The following NPHS1 variants were observed in gnomAD, a reference collection of about 807,000 sequenced individuals.
NPHS1 encodes the protein NPHS1 adhesion molecule, nephrin, also known as nephrin.
NPHS1 carries 107 observed loss-of-function variants against 139.7 expected under a neutral mutation model. The ratio of observed to expected loss-of-function variants is 0.77; its 90% CI spans 0.66 to 0.90. NPHS1 has a LOEUF of 0.90. NPHS1 is among the 40% of genes least tolerant of loss of function. The pLI is 0.00. For missense variants in NPHS1, 1,580 were observed against 1,654.2 expected, an observed-to-expected ratio of 0.96 and a Z score of 0.78; for synonymous variants, 707 against 706.6, an observed-to-expected ratio of 1.00 and a Z score of -0.01.
At position 35,849,621 on chromosome 19, in the gene NPHS1, A is replaced by G. The variant is rs1347730847; in HGVS notation, c.641T>C (p.Leu214Ser). Residue 214 changes from leucine (L) to serine (S), a missense_variant, in exon 6 of 29, where the codon TTG (leucine) becomes TCG (serine). By Grantham distance (145) the Leu-to-Ser change is moderately radical (BLOSUM62 -2). Transcript: ENST00000378910. ...TGGGCTAGACGCCTCACAGACCAGC[A>G]ACTGCCTATTATCTGAGCTCCGGGG... ...VTPRSSDNRQ[L>S]LVCEASSPAL... The G allele has an allele frequency of 6.2e-7, 1 of 1,614,128 alleles. No individual in the cohort carries two copies. The highest frequency in any genetic ancestry group is 2.2e-5 in the East Asian group (1 of 44,884).
chr19:35,846,237 C>T, intron 11 of NPHS1, 43 bp from the exon 12 acceptor site: 1 of 1,544,896 alleles, frequency 6.5e-7, no homozygotes, highest in South Asian at 1.2e-5. Flanking sequence ...AGCCCTGCCG[C>T]TTCCACCAAC....
intron 22 of NPHS1, among the ~76,000 whole-genome samples, chr19:35,837,536 C>T (rs1972983929): frequency 6.6e-6 from 1 of 151,698 alleles, no homozygotes; most frequent in Non-Finnish European, 1.5e-5. Flanking sequence ...TTATTTTCTT[C>T]TTTCTGTTTA....
At chr19:35,832,480 G>A (rs62109660) in intron 23 of NPHS1, among the ~76,000 whole-genome samples, 12,066 of 152,030 alleles carry the variant, frequency 0.079, 586 homozygotes, top group Middle Eastern at 0.11. Context: ...GTAAGTCAAG[G>A]CTCCAGTGAG....
chr19:35,835,038 A>C (rs1209218221), intron 23 of NPHS1, among the ~76,000 whole-genome samples: 1 of 151,528 alleles, frequency 6.6e-6, no homozygotes, highest in Non-Finnish European at 1.5e-5. Context: ...TCCCTACTAA[A>C]AAAGTACAAC....
chr19:35,835,738 G>A lies in NPHS1; in HGVS notation c.3133C>T (p.Pro1045Ser). The change falls in exon 23 of 29, where the codon CCT becomes TCT. Residue 1045 changes from proline to serine, a missense_variant. Coordinates refer to ENST00000378910, the MANE Select transcript of NPHS1 (RefSeq NM_004646.4). ...TPGLHQPSGE[P>S]EDQLPTEPPS... ...GGCTCTGTGGGCAGCTGGTCTTCAGGTTCTCCAGAAGGCTGGTGGAGACCT... is the reference window on the plus strand; with the variant it reads ...GGCTCTGTGGGCAGCTGGTCTTCAGATTCTCCAGAAGGCTGGTGGAGACCT... The A allele has an allele frequency of 6.2e-7, 1 of 1,613,676 alleles. No individual in the cohort carries two copies. Among genetic ancestry groups the A allele is most frequent in the Non-Finnish European group, 8.5e-7 (1 of 1,179,804 alleles).
Position 35,845,249 on chromosome 19 carries a change from G to A in NPHS1, c.1930+119C>T. On this transcript the variant is annotated intron_variant, in intron 14 of 28. Transcript: ENST00000378910. The surrounding 1 kb of genome is among the most constrained non-coding windows in gnomAD (Gnocchi z 5.5). Reference sequence around the variant, plus strand: ...TGCGTCACTGCATTGCAGCCTGAGCGACAAAAAATGAAAGAGAGAGAGAGA... The same window carrying A: ...TGCGTCACTGCATTGCAGCCTGAGCAACAAAAAATGAAAGAGAGAGAGAGA... 2.5e-6 allele frequency: 3 copies of A among 1,205,036 alleles called. No individual in the cohort carries two copies. The highest frequency in any genetic ancestry group is 3.6e-6 in the Non-Finnish European group (3 of 831,598). The allele number at this position is 1,205,036 out of a possible 1,614,324, so 74.6% of individuals were successfully genotyped here. A position where few individuals can be genotyped will look rare whatever the true frequency, so the allele number is the denominator to read the frequency against.
intron 23 of NPHS1, among the ~76,000 whole-genome samples, chr19:35,833,722 G>C (rs1030487141): frequency 7.2e-5 from 11 of 151,864 alleles, no homozygotes; most frequent in Admixed American, 7.2e-4. Flanking sequence ...TTGAGACAGG[G>C]TCTCAACTCT....
intron 23 of NPHS1, among the ~76,000 whole-genome samples, chr19:35,834,134 C>A (rs1026044685): frequency 4.6e-5 from 7 of 152,150 alleles, no homozygotes; most frequent in Non-Finnish European, 1.0e-4. Flanking sequence ...GAGTGCGGGG[C>A]CTTTCCACAC....
chr19:35,841,728 T>C lies in NPHS1; in HGVS notation c.2802A>G (p.Gln934=). 4.3e-6 allele frequency: 7 copies of C among 1,614,104 alleles called. No homozygotes were observed. The highest frequency in any genetic ancestry group is 5.9e-6 in the Non-Finnish European group (7 of 1,180,016). The change falls in exon 20 of 29, where the codon CAA becomes CAG. Residue 934 remains glutamine, a synonymous_variant. Coordinates refer to ENST00000378910, the MANE Select transcript of NPHS1 (RefSeq NM_004646.4). ...GCCCCTCCATACTGATGCTGACAAG[T>C]TGAATGTTGGTTTGGTCCGAGCCAA... ...NALGSDQTNI[Q]LVSISRPDPP... is the part of the protein sequence containing the mutation.
rs962043651 is a variant in NPHS1, at chr19:35,843,459, G to A, written c.2334+13C>T. ...TTGACCCCACCTCTATTCACCAAAG[G>A]CTGGATCCTCACCAGTCTCTCCCAG... On this transcript the variant is annotated intron_variant, in intron 17 of 28. Transcript: ENST00000378910. The A allele has an allele frequency of 1.9e-6, 3 of 1,613,848 alleles. No individual in the cohort carries two copies. Among genetic ancestry groups the A allele is most frequent in the Admixed American group, 3.3e-5 (2 of 60,002 alleles).
rs544405202 is a variant in NPHS1 at position 35,827,631 on chromosome 19, C to A, written c.3595-986G>T. 2.0e-5 allele frequency among the ~76,000 whole-genome samples: 3 copies of A among 152,140 alleles called. No homozygotes were observed. The East Asian group carries it at 5.8e-4, about 29-fold the overall frequency. On this transcript the variant is annotated intron_variant, in intron 28 of 28. Coordinates refer to ENST00000378910, the MANE Select transcript of NPHS1 (RefSeq NM_004646.4). ...TAATGTAAATGTCAGAAATATAAAA[C>A]CTTTAGGCCAAGCATGGTGACTCAT...
In NPHS1 at chr19:35,831,749, C is replaced by T. The variant is rs772583245; in HGVS notation, c.3180G>A (p.Leu1060=). 6.4e-7 allele frequency: 1 copy of T among 1,574,698 alleles called. No individual in the cohort carries two copies. The highest frequency in any genetic ancestry group is 8.6e-7 in the Non-Finnish European group (1 of 1,160,742). ...GAGCGAACAGCACAGGCAGCAGGGG[C>T]AGCCCCGAGGGTCCTAGGGGTGGAA... ...PTEPPSGPSG[L]PLLPVLFALG... The change falls in exon 24 of 29, where the codon CTG becomes CTA. Residue 1060 remains leucine, a synonymous_variant. Coordinates refer to ENST00000378910, the MANE Select transcript of NPHS1 (RefSeq NM_004646.4).
chr19:35,835,026 CG>C (rs1972936804), intron 23 of NPHS1, among the ~76,000 whole-genome samples: 1 of 151,034 alleles, frequency 6.6e-6, no homozygotes, highest in African/African-American at 2.4e-5. Flanking sequence ...GGTGAAACCC[CG>C]TCCCTACTAA....
chr19:35,847,034 A>T (rs1568455130), intron 11 of NPHS1, among the ~76,000 whole-genome samples: 5 of 151,628 alleles, frequency 3.3e-5, no homozygotes, highest in Non-Finnish European at 4.4e-5. Context: ...TTTTCTCCAA[A>T]TTTTCTTTTC....
intron 23 of NPHS1, among the ~76,000 whole-genome samples, chr19:35,835,199 C>CAAAA (rs71167570): frequency 3.8e-3 from 269 of 70,666 alleles, no homozygotes; most frequent in Non-Finnish European, 4.4e-3. Context: ...GACTCTGTCT[C>CAAAA]AAAAAAAAAA....
At chr19:35,827,331 T>C (rs1457943735) in intron 28 of NPHS1, among the ~76,000 whole-genome samples, 1 of 151,962 alleles carries the variant, frequency 6.6e-6, no homozygotes, top group Non-Finnish European at 1.5e-5. Flanking sequence ...GGTGTGGTGG[T>C]GAGCGCCTAT....
rs114540811 is a variant in NPHS1 at position 35,851,347 on chromosome 19, G to A, written c.312C>T (p.Ser104=). The change falls in exon 3 of 29, where the codon AGC becomes AGT. Residue 104 remains serine, a synonymous_variant. Coordinates refer to ENST00000378910, the MANE Select transcript of NPHS1 (RefSeq NM_004646.4). The part of the protein sequence containing the change: ...FHLHIEACDL[S]DDAEYECQVG... ...CCTGGCACTCATACTCCGCGTCATCGCTGAGGTCACAGGCCTCGATGTGCA... is the reference window on the plus strand; with the variant it reads ...CCTGGCACTCATACTCCGCGTCATCACTGAGGTCACAGGCCTCGATGTGCA... 40 of 1,613,578 alleles carry A rather than the reference G, an allele frequency of 2.5e-5. No individual in the cohort carries two copies. In the East Asian group the frequency reaches 4.9e-4, roughly 20 times the overall value.
At position 35,851,352 on chromosome 19, in the gene NPHS1, G is replaced by A. The variant is rs775189541; in HGVS notation, c.307C>T (p.Leu103Phe). The change falls in exon 3 of 29, where the codon CTC becomes TTC. Residue 103 changes from leucine to phenylalanine, a missense_variant. By Grantham distance (22) the Leu-to-Phe change is conservative. Transcript: ENST00000378910. Reference sequence around the variant, plus strand: ...CACTCATACTCCGCGTCATCGCTGAGGTCACAGGCCTCGATGTGCAGGTGG... The same window carrying A: ...CACTCATACTCCGCGTCATCGCTGAAGTCACAGGCCTCGATGTGCAGGTGG... The part of the protein sequence containing the change: ...EFHLHIEACD[L>F]SDDAEYECQV... 2 of 1,613,612 alleles carry A rather than the reference G, an allele frequency of 1.2e-6. No homozygotes were observed. Among genetic ancestry groups the A allele is most frequent in the Admixed American group, 1.7e-5 (1 of 59,932 alleles).
intron 11 of NPHS1, 172 bp downstream of exon 11, chr19:35,847,869 A>T: frequency 1.5e-6 from 1 of 659,264 alleles, no homozygotes; most frequent in Non-Finnish European, 2.5e-6. Context: ...GATTCCATTT[A>T]ATTCTCATAG....
Sources: allele counts gnomAD v4.1 joint callset (sites outside exome capture counted in the v4.1 genomes callset), GRCh38; gene constraint gnomAD v4.1.1; non-coding constraint Gnocchi (gnomAD v3.1); transcripts MANE v1.5; gene names NCBI Gene and HGNC (gene_info 2026-07-23, HGNC 2026-07-21).